Variants in SLC12A9 observed in about 807,000 individuals in gnomAD.
The protein encoded by SLC12A9 is solute carrier family 12 member 9.
Under a neutral mutation model 66.0 loss-of-function variants are expected in SLC12A9, and 55 were observed. That is an observed-to-expected ratio of 0.83 (90% CI 0.67 to 1.04). SLC12A9 has a LOEUF of 1.04. Ranked by LOEUF, SLC12A9 falls within the 50% of genes least tolerant of loss-of-function variation. SLC12A9 has a pLI of 0.00. For synonymous variants in SLC12A9, 577 were observed against 569.0 expected, an observed-to-expected ratio of 1.01 and a Z score of -0.20; for missense variants, 1,061 against 1,241.9, an observed-to-expected ratio of 0.85 and a Z score of 2.19.
rs747397371 is a variant in SLC12A9 at position 100,860,073 on chromosome 7, GCACGC to G, written c.1135+33_1135+37del. The G allele has an allele frequency of 3.7e-6, 6 of 1,614,148 alleles. 1 individual carries two copies. In the South Asian group the frequency reaches 6.6e-5, roughly 18 times the overall value. Reference sequence around the variant, plus strand: ...TTCTCTGCCTCCTTGCTGGCTTGGAGCACGCCCTCCCTTGTCTGTCTCTCCGTCCC... The same window carrying G: ...TTCTCTGCCTCCTTGCTGGCTTGGAGCCTCCCTTGTCTGTCTCTCCGTCCC... On this transcript the variant is annotated intron_variant, in intron 8 of 13. Transcript: ENST00000354161.
chr7:100,837,862 T>TG (rs1813696606), intron 1 of SLC12A9, among the ~76,000 whole-genome samples: 2 of 141,092 alleles, frequency 1.4e-5, no homozygotes, highest in Admixed American at 6.9e-5. Context: ...TTTTTTTTTT[T>TG]TTTTTTTTTT....
intron 13 of SLC12A9, among the ~76,000 whole-genome samples, chr7:100,864,798 C>T (rs149420336): frequency 1.3e-5 from 2 of 152,292 alleles, no homozygotes; most frequent in East Asian, 1.9e-4. Context: ...TACCTCATAG[C>T]ATTACTTCGA....
chr7:100,852,073 G>A (rs1428987741), upstream of SLC12A9, among the ~76,000 whole-genome samples: 3 of 152,174 alleles, frequency 2.0e-5, no homozygotes, highest in Non-Finnish European at 2.9e-5. Flanking sequence ...GAGTGAAGAA[G>A]GAGTCTCAGC....
At chr7:100,828,707 GGCT>G (rs1813480838) in intron 1 of SLC12A9, among the ~76,000 whole-genome samples, 1 of 152,104 alleles carries the variant, frequency 6.6e-6, no homozygotes, top group South Asian at 2.1e-4. Context: ...CTGCGGCTGC[GGCT>G]GCTGTCTTTC....
intron 7 of SLC12A9, chr7:100,859,490 A>G (rs956561517): frequency 5.4e-6 from 2 of 369,016 alleles, no homozygotes; most frequent in South Asian, 2.9e-5. Context: ...CTGAGGCAGG[A>G]GGATCGCTGG....
intron 13 of SLC12A9, among the ~76,000 whole-genome samples, chr7:100,864,807 G>C (rs1356983080): frequency 6.6e-6 from 1 of 152,128 alleles, no homozygotes; most frequent in African/African-American, 2.4e-5. Flanking sequence ...GCATTACTTC[G>C]AGTTTCAAAT....
intron 1 of SLC12A9, among the ~76,000 whole-genome samples, chr7:100,831,020 T>A (rs1484386948): frequency 1.3e-5 from 2 of 152,168 alleles, no homozygotes; most frequent in African/African-American, 4.8e-5. Flanking sequence ...CAGCCCTCCC[T>A]TCCTCATTAT....
upstream of SLC12A9, among the ~76,000 whole-genome samples, chr7:100,851,278 G>A (rs1814067431): frequency 6.6e-6 from 1 of 152,044 alleles, no homozygotes; most frequent in South Asian, 2.1e-4. Context: ...AAGAGGAGGG[G>A]CTGCAGTCAT....
chr7:100,861,566 G>C lies in SLC12A9; in HGVS notation c.1518G>C (p.Gln506His), dbSNP rs776185479. ...CCAGTAGCTGGGGCTATGTCAGCCA[G>C]GCCTTGCTTTTCCACCAGGTATGGG... ...GGPSSWGYVS[Q>H]ALLFHQVRKY... Residue 506 changes from glutamine to histidine, a missense_variant, in exon 11 of 14, where the codon CAG becomes CAC. Physicochemically the swap from Gln to His is conservative, Grantham distance 24. Coordinates refer to ENST00000354161, the MANE Select transcript of SLC12A9 (RefSeq NM_020246.4). This position sits in a 1 kb window ranked among gnomAD's most constrained non-coding sequence, Gnocchi z 5.3. The C allele has an allele frequency of 1.2e-6, 2 of 1,613,466 alleles. No homozygotes were observed. The highest frequency in any genetic ancestry group is 1.1e-5 in the South Asian group (1 of 91,060).
At chr7:100,840,240 A>G (rs748290295) in intron 1 of SLC12A9, among the ~76,000 whole-genome samples, 8 of 152,314 alleles carry the variant, frequency 5.3e-5, no homozygotes, top group Non-Finnish European at 1.2e-4. Context: ...AGCATAGGTC[A>G]GGCACAAATA....
At chr7:100,828,867 C>A (rs535156928) in intron 1 of SLC12A9, among the ~76,000 whole-genome samples, 1 of 152,130 alleles carries the variant, frequency 6.6e-6, no homozygotes, top group Non-Finnish European at 1.5e-5. Flanking sequence ...CCTTCTACTT[C>A]AGGGAACTTA....
rs774381590 is a variant in SLC12A9 at position 100,859,179 on chromosome 7, G to C, written c.977+18G>C. Reference sequence around the variant, plus strand: ...TGTGACAGGTGTCTGGGGAGGGATGGGGGTGGAGTGTCGAACAAGATTGGT... The same window carrying C: ...TGTGACAGGTGTCTGGGGAGGGATGCGGGTGGAGTGTCGAACAAGATTGGT... On this transcript the variant is annotated intron_variant, in intron 7 of 13. Transcript: ENST00000354161. 1 of 1,608,780 alleles carries C rather than the reference G, an allele frequency of 6.2e-7. No individual in the cohort carries two copies. Among genetic ancestry groups the C allele is most frequent in the Admixed American group, 1.7e-5 (1 of 59,928 alleles).
intron 1 of SLC12A9, among the ~76,000 whole-genome samples, chr7:100,833,789 C>T (rs1289172108): frequency 3.3e-5 from 5 of 151,614 alleles, no homozygotes; most frequent in Admixed American, 2.0e-4. Context: ...AAAAATTAGC[C>T]GGGTGTGGTG....
intron 7 of SLC12A9, 171 bp from the exon 8 acceptor site, chr7:100,859,712 TAA>T: frequency 1.3e-6 from 1 of 788,628 alleles, no homozygotes; most frequent in Non-Finnish European, 1.9e-6. Context: ...CCTTGTCTCT[TAA>T]AAAAAAGGAA....
chr7:100,841,233 GA>G (rs1038359729), intron 1 of SLC12A9, among the ~76,000 whole-genome samples: 46 of 149,554 alleles, frequency 3.1e-4, no homozygotes, highest in Middle Eastern at 3.4e-3. Flanking sequence ...AACCATGAAA[GA>G]AAAAAAGTTA....
Position 100,855,806 on chromosome 7 carries a change from G to C in SLC12A9, c.417G>C (p.Leu139=). ...VCGCAVSLLG[L]VESVLDVFGA... ...GCTGTGCCGTCTCCCTCCTGGGGCT[G>C]GTGGAGTCTGTGCTTGATGTCTTCG... The change falls in exon 4 of 14, where the codon CTG becomes CTC. Residue 139 remains leucine (L), a synonymous_variant. Transcript: ENST00000354161. 6.2e-7 allele frequency: 1 copy of C among 1,612,990 alleles called. No individual in the cohort carries two copies. Among genetic ancestry groups the C allele is most frequent in the Non-Finnish European group, 8.5e-7 (1 of 1,179,396 alleles).
At chr7:100,841,875 C>G (rs1456961741) in intron 1 of SLC12A9, among the ~76,000 whole-genome samples, 1 of 152,046 alleles carries the variant, frequency 6.6e-6, no homozygotes, top group African/African-American at 2.4e-5. Context: ...AGTCCACGGC[C>G]AAGGTCCCCA....
intron 13 of SLC12A9, among the ~76,000 whole-genome samples, chr7:100,864,662 G>T (rs983698395): frequency 3.3e-5 from 5 of 152,180 alleles, no homozygotes; most frequent in Non-Finnish European, 7.3e-5. Context: ...CTCTCACGCT[G>T]GATGGAGGCG....
At chr7:100,848,705 T>C (rs1813979153), upstream of SLC12A9, among the ~76,000 whole-genome samples, 1 of 151,542 alleles carries the variant, frequency 6.6e-6, no homozygotes, top group African/African-American at 2.4e-5. Context: ...GCTAACACGG[T>C]GAAACCCCGT....
Sources: allele counts gnomAD v4.1 joint callset (sites outside exome capture counted in the v4.1 genomes callset), GRCh38; gene constraint gnomAD v4.1.1; non-coding constraint Gnocchi (gnomAD v3.1); transcripts MANE v1.5; gene names NCBI Gene and HGNC (gene_info 2026-07-23, HGNC 2026-07-21).